Variants in ZNF343 observed in about 807,000 individuals in gnomAD.
ZNF343 encodes the protein zinc finger protein 343.
A neutral mutation model predicts 13.8 loss-of-function variants in ZNF343; 11 were observed. That is an observed-to-expected ratio of 0.80 (90% CI 0.50 to 1.32). ZNF343 has a LOEUF of 1.32. ZNF343 is among the 40% of genes most tolerant of loss of function. The pLI is 0.00. For missense variants in ZNF343, 658 were observed against 714.2 expected, an observed-to-expected ratio of 0.92 and a Z score of 0.90; for synonymous variants, 248 against 260.0, an observed-to-expected ratio of 0.95 and a Z score of 0.44.
rs941449183 is a variant in ZNF343 at position 2,513,919 on chromosome 20, G to A, written c.-347+10536C>T. ...TCCACTTAAATGAATTTATATGTCC[G>A]GAATAGGCAGATCCATGGAGACAGA... On this transcript the variant is annotated intron_variant, in intron 1 of 6. Transcript: ENST00000358413. Among the ~76,000 whole-genome samples, 13 of 152,274 alleles carry A rather than the reference G, an allele frequency of 8.5e-5. 1 individual carries two copies. Among genetic ancestry groups the A allele is most frequent in the Middle Eastern group, 3.4e-3 (1 of 294 alleles).
At chr20:2,503,871 C>T (rs6036737) in intron 1 of ZNF343, among the ~76,000 whole-genome samples, 103,279 of 151,314 alleles carry the variant, frequency 0.68, 35,549 homozygotes, top group African/African-American at 0.72. Flanking sequence ...AAATCTAAAA[C>T]TGACACCCTA....
chr20:2,503,163 C>T (rs1181321448), intron 1 of ZNF343, among the ~76,000 whole-genome samples: 1 of 152,140 alleles, frequency 6.6e-6, no homozygotes, highest in Non-Finnish European at 1.5e-5. Flanking sequence ...TGTTGCAATC[C>T]TAGTCTCTGA....
chr20:2,504,802 C>G (rs1179132894), intron 1 of ZNF343, among the ~76,000 whole-genome samples: 1 of 152,144 alleles, frequency 6.6e-6, no homozygotes, highest in Non-Finnish European at 1.5e-5. Flanking sequence ...GGACATATCT[C>G]AAAATAATAA....
intron 1 of ZNF343, among the ~76,000 whole-genome samples, chr20:2,523,933 G>A (rs1023756302): frequency 2.7e-5 from 4 of 146,266 alleles, no homozygotes; most frequent in Middle Eastern, 7.5e-3. Context: ...GCAGTGAGCT[G>A]AGATCGTGCC....
At chr20:2,505,346 T>C (rs1306712187) in intron 1 of ZNF343, among the ~76,000 whole-genome samples, 1 of 152,120 alleles carries the variant, frequency 6.6e-6, no homozygotes, top group Non-Finnish European at 1.5e-5. Context: ...GTAGGAAGAA[T>C]CAATATTGTG....
chr20:2,523,378 A>T (rs1403892312), intron 1 of ZNF343, among the ~76,000 whole-genome samples: 1 of 152,034 alleles, frequency 6.6e-6, no homozygotes, highest in African/African-American at 2.4e-5. Context: ...ATGCCTATGG[A>T]GTGGCCACTC....
At chr20:2,504,378 G>A (rs1435525830) in intron 1 of ZNF343, among the ~76,000 whole-genome samples, 1 of 152,146 alleles carries the variant, frequency 6.6e-6, no homozygotes, top group Admixed American at 6.5e-5. Flanking sequence ...GGTGCAAGGA[G>A]GAGCTGGTAC....
Position 2,489,590 on chromosome 20 carries a change from C to T in ZNF343, c.304+3109G>A, listed in dbSNP as rs532542393. ...CCTCTACCTTGAGAACCCCATGATC[C>T]AGACAGAAACTGCTCCTTTTGCTTG... On this transcript the variant is annotated intron_variant, in intron 5 of 5. Transcript: ENST00000278772. Among the ~76,000 whole-genome samples the T allele has an allele frequency of 2.6e-5, 4 of 152,270 alleles. No individual in the cohort carries two copies. In the South Asian group the frequency reaches 8.3e-4, roughly 32 times the overall value.
chr20:2,513,520 A>G (rs2085746886), upstream of ZNF343, among the ~76,000 whole-genome samples: 1 of 152,240 alleles, frequency 6.6e-6, no homozygotes, highest in Non-Finnish European at 1.5e-5. Context: ...CTTATACTGT[A>G]CATTGCTGGT....
chr20:2,512,369 T>C (rs917502534), upstream of ZNF343, among the ~76,000 whole-genome samples: 5 of 152,148 alleles, frequency 3.3e-5, no homozygotes, highest in African/African-American at 1.2e-4. Context: ...CAAAACAATT[T>C]TGAAAAAGAA....
chr20:2,483,063 C>T lies in ZNF343; in HGVS notation c.*98G>A. 14 of 1,392,938 alleles carry T rather than the reference C, an allele frequency of 1.0e-5. No individual in the cohort carries two copies. The highest frequency in any genetic ancestry group is 1.1e-5 in the Non-Finnish European group (11 of 1,028,220). 86.3% of individuals were successfully genotyped at this position (1,392,938 alleles called of 1,614,324 possible). A position where few individuals can be genotyped will look rare whatever the true frequency, so the allele number is the denominator to read the frequency against. On this transcript the variant is annotated 3_prime_UTR_variant, in exon 6 of 6. Coordinates refer to ENST00000278772, the MANE Select transcript of ZNF343 (RefSeq NM_024325.6). ...TGGAACTTCACTCACAATCTGTGTA[C>T]ACAGGGTCTACTCCCCATGTGTCTC...
chr20:2,499,766 C>T (rs2085529507), intron 2 of ZNF343, among the ~76,000 whole-genome samples: 1 of 152,076 alleles, frequency 6.6e-6, no homozygotes. Context: ...GATGGAGACA[C>T]GGTCATTAAC....
chr20:2,518,585 A>G lies in ZNF343; in HGVS notation c.-347+5870T>C, dbSNP rs2085769650. Among the ~76,000 whole-genome samples the G allele has an allele frequency of 6.6e-6, 1 of 152,196 alleles. No individual in the cohort carries two copies. The highest frequency in any genetic ancestry group is 6.5e-5 in the Admixed American group (1 of 15,282). ...TAAATAGCTACCCCTCCGGTTCCAC[A>G]CTCACTCACAACCTACAACCCTCCC... is the stretch of plus-strand genomic sequence containing the variant. On this transcript the variant is annotated intron_variant, in intron 1 of 6. Coordinates refer to the ZNF343 transcript ENST00000358413. The surrounding 1 kb of genome is among the most constrained non-coding windows in gnomAD (Gnocchi z 4.6).
intron 2 of ZNF343, among the ~76,000 whole-genome samples, chr20:2,498,867 T>C (rs936279293): frequency 7.9e-5 from 12 of 152,100 alleles, no homozygotes; most frequent in Non-Finnish European, 1.3e-4. Context: ...GCAATCTGTC[T>C]CCAGAGCCCA....
rs926380616 is a variant in ZNF343 at position 2,494,042 on chromosome 20, G to A, written c.-147C>T. On this transcript the variant is annotated splice_region_variant and 5_prime_UTR_variant, in exon 3 of 6. Transcript: ENST00000278772. ...GCCCAGCTTGTTTCCCTGCAGCCAG[G>A]ACCTGTGGGATGAAGAAGCAATTTG... 9 of 653,872 alleles carry A rather than the reference G, an allele frequency of 1.4e-5. No homozygotes were observed. The Admixed American group carries it at 2.4e-4, about 17-fold the overall frequency. The allele number at this position is 653,872 out of a possible 1,614,324, so 40.5% of individuals were successfully genotyped here. A position where few individuals can be genotyped will look rare whatever the true frequency, so the allele number is the denominator to read the frequency against.
rs528239147 is a variant in ZNF343 at position 2,518,082 on chromosome 20, C to T, written c.-347+6373G>A. 4.4e-4 allele frequency among the ~76,000 whole-genome samples: 66 copies of T among 151,324 alleles called. No homozygotes were observed. Among genetic ancestry groups the T allele is most frequent in the Non-Finnish European group, 8.8e-4 (60 of 67,884 alleles). ...AGGCTGGAGTGCAGTGGCTCGATCT[C>T]GGCTCACTGTAACCTCTGCCTCCCA... On this transcript the variant is annotated intron_variant, in intron 1 of 6. Transcript: ENST00000358413. The surrounding 1 kb of genome is among the most constrained non-coding windows in gnomAD (Gnocchi z 4.6).
chr20:2,499,279 A>C (rs1370324306), intron 2 of ZNF343, among the ~76,000 whole-genome samples: 6 of 129,522 alleles, frequency 4.6e-5, no homozygotes, highest in Middle Eastern at 3.8e-3. Context: ...TCCCGGCTAA[A>C]ACGGTGAAAC....
At chr20:2,519,734 T>C (rs1396376962) in intron 1 of ZNF343, among the ~76,000 whole-genome samples, 4 of 152,234 alleles carry the variant, frequency 2.6e-5, no homozygotes, top group Admixed American at 2.6e-4. Context: ...TAACACACAA[T>C]GGACATTTCA....
chr20:2,488,581 G>C (rs1158111951), intron 5 of ZNF343, among the ~76,000 whole-genome samples: 1 of 152,090 alleles, frequency 6.6e-6, no homozygotes, highest in Non-Finnish European at 1.5e-5. Context: ...TTTAGTGTCT[G>C]ATAAGGATAG....
Sources: allele counts gnomAD v4.1 joint callset (sites outside exome capture counted in the v4.1 genomes callset), GRCh38; gene constraint gnomAD v4.1.1; non-coding constraint Gnocchi (gnomAD v3.1); transcripts MANE v1.5; gene names NCBI Gene and HGNC (gene_info 2026-07-23, HGNC 2026-07-21).